DPYSL3: variants seen among roughly 807,000 people sequenced by gnomAD.
DPYSL3 encodes dihydropyrimidinase-related protein 3.
In DPYSL3, 16 loss-of-function variants were observed where a neutral mutation model predicts 66.1. The ratio of observed to expected loss-of-function variants is 0.24; its 90% CI spans 0.16 to 0.37. The LOEUF (loss-of-function observed/expected upper bound fraction) is 0.37. Among genes scored for constraint, DPYSL3 ranks in the 10% least tolerant of loss-of-function variants. DPYSL3 has a pLI of 1.00. For missense variants in DPYSL3, 738 were observed against 916.2 expected (o/e 0.81, Z 2.51); for synonymous variants, 338 against 345.1 (o/e 0.98, Z 0.23).
chr5:147,392,927 G>A lies in DPYSL3; in HGVS notation c.*1108C>T, dbSNP rs964374469. 3 of 152,250 alleles carry A rather than the reference G, an allele frequency of 2.0e-5. No homozygotes were observed. The highest frequency in any genetic ancestry group is 2.9e-5 in the Non-Finnish European group (2 of 68,022). 9.4% of individuals were successfully genotyped at this position (152,250 alleles called of 1,614,324 possible). A position where few individuals can be genotyped will look rare whatever the true frequency, so the allele number is the denominator to read the frequency against. On this transcript the variant is annotated 3_prime_UTR_variant, in exon 14 of 14. Coordinates refer to ENST00000343218, the MANE Select transcript of DPYSL3 (RefSeq NM_001197294.2). ...CATATAAGCTGAGATGACCTATTAC[G>A]GTAAAAATTAGGGAACACCTAATAA...
intron 1 of DPYSL3, among the ~76,000 whole-genome samples, chr5:147,462,784 G>A (rs1275400996): frequency 1.3e-5 from 2 of 152,038 alleles, no homozygotes; most frequent in Admixed American, 6.6e-5. Flanking sequence ...TGACTCCTAT[G>A]TTATTGGAGG....
intron 1 of DPYSL3, among the ~76,000 whole-genome samples, chr5:147,496,106 C>G (rs1468782265): frequency 6.6e-6 from 1 of 152,172 alleles, no homozygotes; most frequent in Non-Finnish European, 1.5e-5. Context: ...ATATCTACAA[C>G]TATCTGATCT....
chr5:147,399,192 T>A lies in DPYSL3; in HGVS notation c.1513A>T (p.Ile505Phe). 1 of 1,614,212 alleles carries A rather than the reference T, an allele frequency of 6.2e-7. No homozygotes were observed. Among genetic ancestry groups the A allele is most frequent in the Non-Finnish European group, 8.5e-7 (1 of 1,180,050 alleles). Residue 505 changes from isoleucine to phenylalanine, a missense_variant, in exon 11 of 14, where the codon ATC becomes TTC. By Grantham distance (21) the Ile-to-Phe change is conservative. Coordinates refer to ENST00000343218, the MANE Select transcript of DPYSL3 (RefSeq NM_001197294.2). ...CCCTTGCGGGGATACAGGTTGAAGA[T>A]CTTGGCAGCGTTTGTGCTTGTCACA... is the stretch of plus-strand genomic sequence containing the variant. The part of the protein sequence containing the change: ...VAVTSTNAAK[I>F]FNLYPRKGRI...
Position 147,509,909 on chromosome 5 carries a change from G to C in DPYSL3, c.-51C>G. On this transcript the variant is annotated 5_prime_UTR_variant, in exon 1 of 14. Coordinates refer to ENST00000343218, the MANE Select transcript of DPYSL3 (RefSeq NM_001197294.2). The surrounding 1 kb of genome is among the most constrained non-coding windows in gnomAD (Gnocchi z 5.3). ...GGTTTTTCTTCCCCAGAGGCGGAAA[G>C]GGCAGCCGCCGGCAGCGTGCGCCGA... 2 of 1,462,782 alleles carry C rather than the reference G, an allele frequency of 1.4e-6. No homozygotes were observed. 90.6% of individuals were successfully genotyped at this position (1,462,782 alleles called of 1,614,324 possible). A position where few individuals can be genotyped will look rare whatever the true frequency, so the allele number is the denominator to read the frequency against.
At chr5:147,439,270 G>A (rs181795469) in intron 1 of DPYSL3, among the ~76,000 whole-genome samples, 264 of 152,278 alleles carry the variant, frequency 1.7e-3, no homozygotes, top group Non-Finnish European at 1.2e-3. Flanking sequence ...AGGATAAGGG[G>A]ACGGTGGAGG....
At chr5:147,444,891 C>T (rs1347651223) in intron 1 of DPYSL3, among the ~76,000 whole-genome samples, 2 of 151,912 alleles carry the variant, frequency 1.3e-5, no homozygotes, top group Non-Finnish European at 2.9e-5. Flanking sequence ...GAACTATGAG[C>T]TGCTTCTTAA....
intron 1 of DPYSL3, among the ~76,000 whole-genome samples, chr5:147,502,201 A>C (rs1753621530): frequency 6.6e-6 from 1 of 152,032 alleles, no homozygotes; most frequent in Non-Finnish European, 1.5e-5. Context: ...CACCAACCCC[A>C]TTCATGAGGG....
intron 9 of DPYSL3, 108 bp from the exon 10 acceptor site, chr5:147,400,941 T>A (rs1047853680): frequency 2.2e-6 from 3 of 1,395,244 alleles, no homozygotes; most frequent in Non-Finnish European, 2.9e-6. Flanking sequence ...CTATTTGGGT[T>A]TGGAATGCCT....
chr5:147,405,862 T>A, intron 7 of DPYSL3, 132 bp from the exon 8 acceptor site: 2 of 1,199,508 alleles, frequency 1.7e-6, no homozygotes, highest in South Asian at 1.6e-5. Flanking sequence ...TGGAATTAGA[T>A]AGCCTATATC....
chr5:147,476,712 T>C (rs1753160575), intron 1 of DPYSL3, among the ~76,000 whole-genome samples: 1 of 152,218 alleles, frequency 6.6e-6, no homozygotes. Context: ...ATGTTCTTGA[T>C]GGAGTATTGT....
chr5:147,444,462 T>TA (rs1752592945), intron 1 of DPYSL3, among the ~76,000 whole-genome samples: 1 of 152,172 alleles, frequency 6.6e-6, no homozygotes, highest in Non-Finnish European at 1.5e-5. Flanking sequence ...TTTTATGCAA[T>TA]AAAAAATAGC....
At chr5:147,401,829 G>T in intron 8 of DPYSL3, 133 bp from the exon 9 acceptor site, 1 of 1,047,612 alleles carries the variant, frequency 9.5e-7, no homozygotes, top group Non-Finnish European at 1.3e-6. Context: ...TCAAGTCCAT[G>T]TTCCCACCTT....
intron 1 of DPYSL3, among the ~76,000 whole-genome samples, chr5:147,484,734 T>G (rs1213328749): frequency 5.9e-5 from 9 of 152,194 alleles, no homozygotes. Context: ...ACCGAATGCT[T>G]CAAATCTCCA....
chr5:147,466,069 T>C (rs1039057674), intron 1 of DPYSL3, among the ~76,000 whole-genome samples: 2 of 152,256 alleles, frequency 1.3e-5, no homozygotes, highest in Admixed American at 1.3e-4. Flanking sequence ...CTCACATTTA[T>C]ATTTCTTTAA....
intron 6 of DPYSL3, among the ~76,000 whole-genome samples, chr5:147,409,117 G>C (rs558982795): frequency 6.6e-6 from 1 of 152,232 alleles, no homozygotes; most frequent in East Asian, 1.9e-4. Context: ...AACTATACTT[G>C]CTTATCTCAT....
chr5:147,456,807 T>C (rs1456490414), intron 1 of DPYSL3, among the ~76,000 whole-genome samples: 2 of 152,108 alleles, frequency 1.3e-5, no homozygotes, highest in African/African-American at 4.8e-5. Context: ...GCCATGCTGG[T>C]CTCGAACTCC....
At chr5:147,451,464 T>C (rs1246432720) in intron 1 of DPYSL3, among the ~76,000 whole-genome samples, 8 of 152,220 alleles carry the variant, frequency 5.3e-5, no homozygotes, top group Non-Finnish European at 1.5e-5. Flanking sequence ...AATCTGGTCC[T>C]GGGATTGGGG....
At chr5:147,482,405 C>T (rs1396558357) in intron 1 of DPYSL3, among the ~76,000 whole-genome samples, 1 of 152,196 alleles carries the variant, frequency 6.6e-6, no homozygotes, top group Non-Finnish European at 1.5e-5. Flanking sequence ...AATCCCATGG[C>T]CATTCTTCTC....
intron 1 of DPYSL3, among the ~76,000 whole-genome samples, chr5:147,495,428 C>G (rs916933671): frequency 6.6e-6 from 1 of 152,086 alleles, no homozygotes; most frequent in African/African-American, 2.4e-5. Flanking sequence ...AAATAAAGGG[C>G]ATTCAATTAG....
Sources: allele counts gnomAD v4.1 joint callset (sites outside exome capture counted in the v4.1 genomes callset), GRCh38; gene constraint gnomAD v4.1.1; non-coding constraint Gnocchi (gnomAD v3.1); transcripts MANE v1.5; gene names NCBI Gene and HGNC (gene_info 2026-07-23, HGNC 2026-07-21).